Variants in MLIP observed in about 807,000 individuals in gnomAD.
MLIP encodes the protein muscular LMNA interacting protein.
MLIP carries 79 observed loss-of-function variants against 84.8 expected under a neutral mutation model. The ratio of observed to expected loss-of-function variants is 0.93; its 90% CI spans 0.78 to 1.12. MLIP has a LOEUF of 1.12. Ranked by LOEUF, MLIP falls within the 50% of genes most tolerant of loss-of-function variation. The pLI is 0.00. For missense variants in MLIP, 1,257 were observed against 1,160.6 expected (o/e 1.08, Z -1.21); for synonymous variants, 504 against 463.0 (o/e 1.09, Z -1.14).
chr6:54,156,276 G>GC (rs1039608761), intron 5 of MLIP, among the ~76,000 whole-genome samples: 2 of 151,908 alleles, frequency 1.3e-5, no homozygotes, highest in African/African-American at 2.4e-5. Context: ...TTCAAAATAA[G>GC]CCCCCCATCC....
intron 1 of MLIP, among the ~76,000 whole-genome samples, chr6:54,102,144 C>T (rs139127856): frequency 6.6e-6 from 1 of 152,148 alleles, no homozygotes; most frequent in African/African-American, 2.4e-5. Context: ...CCAGGTGGAC[C>T]TGAGTTCAAA....
chr6:54,100,244 T>A (rs551801473), intron 1 of MLIP, among the ~76,000 whole-genome samples: 1 of 152,274 alleles, frequency 6.6e-6, no homozygotes, highest in African/African-American at 2.4e-5. Context: ...AGCCATTCTT[T>A]GTTGTGTTTG....
At chr6:54,172,706 G>T (rs1224241787) in intron 9 of MLIP, among the ~76,000 whole-genome samples, 1 of 148,722 alleles carries the variant, frequency 6.7e-6, no homozygotes, top group Non-Finnish European at 1.5e-5. Flanking sequence ...TGACTTCTCT[G>T]GAAAAAAAAA....
At chr6:54,176,912 T>C (rs1776344408) in intron 9 of MLIP, among the ~76,000 whole-genome samples, 1 of 151,842 alleles carries the variant, frequency 6.6e-6, no homozygotes, top group South Asian at 2.1e-4. Context: ...TCTACAACTA[T>C]CTGATCTTCA....
chr6:54,172,755 GT>G (rs1775898755), intron 9 of MLIP, among the ~76,000 whole-genome samples: 1 of 151,068 alleles, frequency 6.6e-6, no homozygotes, highest in Admixed American at 6.6e-5. Context: ...TCAAAATAAT[GT>G]TTCTTTCTTT....
chr6:54,034,485 C>A (rs1764314205), intron 1 of MLIP, among the ~76,000 whole-genome samples: 1 of 152,122 alleles, frequency 6.6e-6, no homozygotes, highest in Non-Finnish European at 1.5e-5. Flanking sequence ...AATGATCCTG[C>A]TCCTCCTGCG....
intron 11 of MLIP, among the ~76,000 whole-genome samples, chr6:54,212,693 A>T (rs530114625): frequency 2.0e-5 from 3 of 152,156 alleles, no homozygotes; most frequent in Non-Finnish European, 4.4e-5. Flanking sequence ...AATCATCAAT[A>T]TGATTTATTG....
chr6:54,245,118 ACT>A (rs1562100203), intron 12 of MLIP, among the ~76,000 whole-genome samples: 1 of 152,056 alleles, frequency 6.6e-6, no homozygotes, highest in Non-Finnish European at 1.5e-5. Flanking sequence ...GGGATAATGA[ACT>A]CTCTATTTCA....
intron 9 of MLIP, among the ~76,000 whole-genome samples, chr6:54,171,870 G>T (rs1280306108): frequency 6.6e-6 from 1 of 151,462 alleles, no homozygotes; most frequent in African/African-American, 2.4e-5. Flanking sequence ...GCAACTCTGA[G>T]AAGTCTATTT....
intron 11 of MLIP, chr6:54,215,380 CACCA>C: frequency 7.7e-7 from 1 of 1,295,758 alleles, no homozygotes; most frequent in Non-Finnish European, 9.8e-7. Flanking sequence ...GGCTACTAAT[CACCA>C]TTTCTAATGG....
chr6:54,240,352 C>T (rs898216628), intron 12 of MLIP, among the ~76,000 whole-genome samples: 7 of 152,110 alleles, frequency 4.6e-5, no homozygotes, highest in African/African-American at 1.2e-4. Flanking sequence ...ACTTTTATTA[C>T]GGCCTATTTT....
At chr6:54,056,149 C>T (rs898853989) in intron 1 of MLIP, among the ~76,000 whole-genome samples, 2 of 152,134 alleles carry the variant, frequency 1.3e-5, no homozygotes, top group Non-Finnish European at 2.9e-5. Flanking sequence ...GCATCCTACC[C>T]ATCAGCTTTG....
At chr6:54,174,083 G>A (rs914571558) in intron 9 of MLIP, among the ~76,000 whole-genome samples, 6 of 151,758 alleles carry the variant, frequency 4.0e-5, no homozygotes, top group Admixed American at 3.3e-4. Context: ...CTTTATAAAG[G>A]CTGAATAGTA....
intron 1 of MLIP, among the ~76,000 whole-genome samples, chr6:54,075,013 C>T (rs553409492): frequency 1.3e-5 from 2 of 152,058 alleles, no homozygotes; most frequent in South Asian, 4.2e-4. Flanking sequence ...TTTGGGAGGC[C>T]GAGGTGGGCG....
chr6:54,247,258 C>G (rs1015847603), intron 12 of MLIP, among the ~76,000 whole-genome samples: 2 of 152,132 alleles, frequency 1.3e-5, no homozygotes, highest in South Asian at 2.1e-4. Context: ...AACTGACTGA[C>G]AGTGGAGAGT....
At chr6:54,230,998 G>T in intron 12 of MLIP, 81 bp downstream of exon 12, 1 of 1,125,198 alleles carries the variant, frequency 8.9e-7, no homozygotes, top group East Asian at 2.4e-5. Flanking sequence ...TAAATGTGGA[G>T]GAAACATGTG....
intron 13 of MLIP, among the ~76,000 whole-genome samples, chr6:54,264,999 G>A (rs913839347): frequency 2.0e-5 from 3 of 152,104 alleles, no homozygotes; most frequent in Non-Finnish European, 2.9e-5. Context: ...ATAGGAGCCA[G>A]CTCTAAGTCA....
At chr6:54,087,661 A>G (rs28421598) in intron 1 of MLIP, among the ~76,000 whole-genome samples, 2 of 152,182 alleles carry the variant, frequency 1.3e-5, no homozygotes, top group African/African-American at 2.4e-5. Flanking sequence ...GAGAAGGAAG[A>G]GGATCCAAGC....
intron 4 of MLIP, among the ~76,000 whole-genome samples, chr6:54,141,202 G>C (rs777248130): frequency 2.0e-4 from 31 of 151,936 alleles, no homozygotes; most frequent in Admixed American, 9.2e-4. Context: ...GCTTGCATTT[G>C]TGTGATATAA....
Sources: gnomAD v4.1 joint callset for allele counts (sites outside exome capture counted in the v4.1 genomes callset) on GRCh38, gnomAD v4.1.1 for gene constraint, MANE v1.5 for transcripts, NCBI Gene and HGNC (gene_info 2026-07-23, HGNC 2026-07-21) for gene names.